MICAL3: variants seen among roughly 807,000 people sequenced by gnomAD.
MICAL3 encodes microtubule associated monooxygenase, calponin and LIM domain containing 3.
Under a neutral mutation model 207.4 loss-of-function variants are expected in MICAL3, and 62 were observed. The observed-to-expected ratio is 0.30, with a 90% confidence interval of 0.24 to 0.37. The LOEUF (loss-of-function observed/expected upper bound fraction) is 0.37. Ranked by LOEUF, MICAL3 falls within the 10% of genes least tolerant of loss-of-function variation. The pLI is 1.00. For synonymous variants in MICAL3, 1,077 were observed against 1,069.3 expected (o/e 1.01, Z -0.14); for missense variants, 2,368 against 2,635.6 (o/e 0.90, Z 2.22).
chr22:17,929,584 T>TTC (rs1556418387), intron 1 of MICAL3, among the ~76,000 whole-genome samples: 21 of 146,878 alleles, frequency 1.4e-4, no homozygotes, highest in African/African-American at 4.8e-4. Context: ...TTTTTTTTTT[T>TTC]TTTGACAGGG....
rs945380400 is a variant in MICAL3 at position 17,873,967 on chromosome 22, G to A, written c.2242-1944C>T. 9.2e-5 allele frequency among the ~76,000 whole-genome samples: 14 copies of A among 152,320 alleles called. 1 individual carries two copies. Among genetic ancestry groups the A allele is most frequent in the Middle Eastern group, 6.8e-3 (2 of 294 alleles). ...TAATTCTGACTCAGCAACTCACCAT[G>A]AGCCATTATCCCGGGGATGCCAACA... On this transcript the variant is annotated intron_variant, in intron 16 of 31. Transcript: ENST00000441493.
In MICAL3 at chr22:17,834,329, T is replaced by A. The variant is rs453005; in HGVS notation, c.2802-2222A>T. 2.0e-3 allele frequency: 2,449 copies of A among 1,194,750 alleles called. 42 individuals carry two copies. In the African/African-American group the frequency reaches 0.034, roughly 17 times the overall value. 74.0% of individuals were successfully genotyped at this position (1,194,750 alleles called of 1,614,324 possible). A position where few individuals can be genotyped will look rare whatever the true frequency, so the allele number is the denominator to read the frequency against. ...CTCAGGGTAGTGAATCAGCTTCACTTGTTCATTTACCTGGATAAAATTTAT... is the reference window on the plus strand; with the variant it reads ...CTCAGGGTAGTGAATCAGCTTCACTAGTTCATTTACCTGGATAAAATTTAT... On this transcript the variant is annotated intron_variant, in intron 20 of 31. Transcript: ENST00000441493.
intron 10 of MICAL3, among the ~76,000 whole-genome samples, 198 bp from the exon 11 acceptor site, chr22:17,894,102 G>C (rs1441247399): frequency 6.6e-6 from 1 of 152,130 alleles, no homozygotes; most frequent in Non-Finnish European, 1.5e-5. Flanking sequence ...TTAACTGTGG[G>C]ACTTTGTGCT....
At chr22:17,800,578 G>A (rs953961376) in intron 29 of MICAL3, among the ~76,000 whole-genome samples, 2 of 152,214 alleles carry the variant, frequency 1.3e-5, no homozygotes, top group African/African-American at 4.8e-5. Flanking sequence ...GAGAGCCACT[G>A]AAAGAGCCTG....
At chr22:17,899,305 C>A (rs557611420) in intron 7 of MICAL3, 143 bp downstream of exon 7, 2 of 706,968 alleles carry the variant, frequency 2.8e-6, no homozygotes, top group South Asian at 3.0e-5. Context: ...TCACGCTAAA[C>A]TGGAAAACAT....
At chr22:17,887,483 G>T (rs375664360) in intron 13 of MICAL3, 48 bp from the exon 14 acceptor site, 5 of 1,326,922 alleles carry the variant, frequency 3.8e-6, no homozygotes, top group Non-Finnish European at 5.3e-6. Flanking sequence ...TGAGGGCGCC[G>T]CAAAATCCTG....
At chr22:17,978,673 C>T (rs1262456721) in intron 1 of MICAL3, among the ~76,000 whole-genome samples, 2 of 151,894 alleles carry the variant, frequency 1.3e-5, no homozygotes, top group Admixed American at 6.6e-5. Context: ...CAGCTACCAC[C>T]ACACCCAGCT....
At chr22:17,858,940 CTTAG>C (rs1056404340) in intron 19 of MICAL3, among the ~76,000 whole-genome samples, 45 of 152,202 alleles carry the variant, frequency 3.0e-4, no homozygotes, top group African/African-American at 1.1e-3. Flanking sequence ...ATTACTGACG[CTTAG>C]TTAATTTGTC....
chr22:17,851,850 C>T (rs1027860633), intron 19 of MICAL3, among the ~76,000 whole-genome samples: 11 of 152,194 alleles, frequency 7.2e-5, no homozygotes, highest in African/African-American at 2.2e-4. Flanking sequence ...CTTCACTTCA[C>T]GGTAGAGAGG....
At chr22:17,969,867 G>A (rs965017511) in intron 1 of MICAL3, among the ~76,000 whole-genome samples, 2 of 152,312 alleles carry the variant, frequency 1.3e-5, no homozygotes, top group Non-Finnish European at 2.9e-5. Context: ...CTGTGTGCTG[G>A]GATGCCGTCT....
intron 29 of MICAL3, among the ~76,000 whole-genome samples, chr22:17,805,749 A>G (rs1486986489): frequency 6.6e-6 from 1 of 152,210 alleles, no homozygotes; most frequent in East Asian, 1.9e-4. Flanking sequence ...TGTTTTTGAG[A>G]CAGAGTTTCG....
chr22:17,914,474 T>C (rs562847737), intron 1 of MICAL3, among the ~76,000 whole-genome samples: 10 of 152,262 alleles, frequency 6.6e-5, no homozygotes, highest in African/African-American at 2.2e-4. Flanking sequence ...ACTTGTCCAA[T>C]TGAGAGCCTA....
At chr22:17,835,646 C>T (rs1262950900) in intron 20 of MICAL3, among the ~76,000 whole-genome samples, 1 of 152,240 alleles carries the variant, frequency 6.6e-6, no homozygotes, top group African/African-American at 2.4e-5. Context: ...AGATGCAACA[C>T]AGACAACTTC....
At chr22:17,838,955 CTTTT>C (rs869097812) in intron 20 of MICAL3, among the ~76,000 whole-genome samples, 1 of 88,434 alleles carries the variant, frequency 1.1e-5, no homozygotes, top group Non-Finnish European at 2.1e-5. Flanking sequence ...CCCCTAGATG[CTTTT>C]TTTTTTTTTT....
intron 1 of MICAL3, among the ~76,000 whole-genome samples, chr22:18,016,265 A>C (rs1181095096): frequency 5.9e-5 from 9 of 152,244 alleles, no homozygotes; most frequent in Non-Finnish European, 8.8e-5. Context: ...GATTGCTATC[A>C]ACAGTGAACA....
Position 17,958,397 on chromosome 22 carries a change from G to A in MICAL3, c.-74-51511C>T, listed in dbSNP as rs1175771644. Among the ~76,000 whole-genome samples, 8 of 152,162 alleles carry A rather than the reference G, an allele frequency of 5.3e-5. No homozygotes were observed. In the South Asian group the frequency reaches 1.2e-3, roughly 24 times the overall value. On this transcript the variant is annotated intron_variant, in intron 1 of 31. Coordinates refer to ENST00000441493, the MANE Select transcript of MICAL3 (RefSeq NM_015241.3). ...ATGGCAGATGGCCAGAGGCAGTTAC[G>A]GAAGAAAGAAAAGACAGTGGGGTCA...
At chr22:17,995,243 T>C (rs1922139123) in intron 1 of MICAL3, among the ~76,000 whole-genome samples, 1 of 151,944 alleles carries the variant, frequency 6.6e-6, no homozygotes, top group African/African-American at 2.4e-5. Context: ...GTGGTGTGAT[T>C]ATAGCTCACT....
At chr22:17,960,193 G>A (rs376479159) in intron 1 of MICAL3, among the ~76,000 whole-genome samples, 140 of 152,304 alleles carry the variant, frequency 9.2e-4, no homozygotes, top group African/African-American at 3.2e-3. Flanking sequence ...AGTAGCTTCC[G>A]CATCTCTTCA....
chr22:18,014,245 C>T (rs946994299), intron 1 of MICAL3, among the ~76,000 whole-genome samples: 10 of 152,160 alleles, frequency 6.6e-5, no homozygotes, highest in Admixed American at 5.2e-4. Flanking sequence ...TCCCATCCAA[C>T]ATGCCTTGGG....
Sources: gnomAD v4.1 joint callset for allele counts (sites outside exome capture counted in the v4.1 genomes callset) on GRCh38, gnomAD v4.1.1 for gene constraint, MANE v1.5 for transcripts, NCBI Gene and HGNC (gene_info 2026-07-23, HGNC 2026-07-21) for gene names.